DOCK8: variants seen among roughly 807,000 people sequenced by gnomAD.
The protein encoded by DOCK8 is dedicator of cytokinesis 8, also known as dedicator of cytokinesis protein 8.
A neutral mutation model predicts 245.6 loss-of-function variants in DOCK8; 141 were observed. The observed-to-expected ratio is 0.57, with a 90% CI of 0.50 to 0.66. The LOEUF is 0.66. Ranked by LOEUF, DOCK8 falls within the 30% of genes least tolerant of loss-of-function variation. The probability of loss-of-function intolerance (pLI) is 0.00; values close to 1 mark genes in which losing one functional copy is unlikely to be tolerated. For missense variants in DOCK8, 2,965 were observed against 2,603.4 expected (o/e 1.14, Z -3.02); for synonymous variants, 1,168 against 970.2 (o/e 1.20, Z -3.79).
rs139131854 is a variant in DOCK8, at chr9:387,442, C to CA, written c.2874+1031dup. On this transcript the variant is annotated intron_variant, in intron 23 of 47. Transcript: ENST00000432829. ...TGGGCGACAGAATGAGACTCCATTTCAAAAAAAAAAAAAAAGAAAAAAAGG... is the reference window on the plus strand; with the variant it reads ...TGGGCGACAGAATGAGACTCCATTTCAAAAAAAAAAAAAAAAGAAAAAAAGG... Among the ~76,000 whole-genome samples the CA allele has an allele frequency of 9.5e-3, 728 of 76,866 alleles. 5 individuals are homozygous for CA. The highest frequency in any genetic ancestry group is 0.023 in the African/African-American group (493 of 21,096). The allele number at this position is 76,866 out of a possible 152,430, so 50.4% of individuals were successfully genotyped here. A position where few individuals can be genotyped will look rare whatever the true frequency, so the allele number is the denominator to read the frequency against.
chr9:434,073 A>G (rs186020782), intron 38 of DOCK8, 98 bp downstream of exon 38: 73 of 882,038 alleles, frequency 8.3e-5, no homozygotes, highest in East Asian at 8.0e-4. Flanking sequence ...TAACATGGAT[A>G]TAGTGATTTG....
chr9:340,470 AT>A, intron 14 of DOCK8, 149 bp downstream of exon 14: 2 of 1,003,010 alleles, frequency 2.0e-6, no homozygotes, highest in Non-Finnish European at 3.0e-6. Context: ...CATATACAAA[AT>A]TTAGCTGGGC....
intron 33 of DOCK8, among the ~76,000 whole-genome samples, chr9:423,342 C>T (rs374167360): frequency 6.6e-6 from 1 of 152,092 alleles, no homozygotes; most frequent in Non-Finnish European, 1.5e-5. Flanking sequence ...CACATGTTTC[C>T]GATACCGTTT....
chr9:338,925 A>G, intron 12 of DOCK8, 81 bp from the exon 13 acceptor site: 1 of 1,210,894 alleles, frequency 8.3e-7, no homozygotes. Context: ...ACTTAAAGGT[A>G]AAAATCTTCC....
intron 1 of DOCK8, among the ~76,000 whole-genome samples, chr9:235,123 C>T (rs1287626432): frequency 6.6e-6 from 1 of 152,166 alleles, no homozygotes; most frequent in Non-Finnish European, 1.5e-5. Context: ...ACAGACAGGA[C>T]CCTCAGCTGC....
intron 14 of DOCK8, among the ~76,000 whole-genome samples, chr9:351,600 A>G (rs2052170836): frequency 6.6e-6 from 1 of 152,224 alleles, no homozygotes; most frequent in African/African-American, 2.4e-5. Context: ...TCTTCTGTGC[A>G]GGTAGAGCAG....
At chr9:273,239 C>G (rs1342511209) in intron 2 of DOCK8, 1 of 499,222 alleles carries the variant, frequency 2.0e-6, no homozygotes. Context: ...TTCAGAAAAT[C>G]TACTTATGAC....
intron 1 of DOCK8, among the ~76,000 whole-genome samples, chr9:252,836 A>C (rs1310710769): frequency 1.3e-5 from 2 of 152,026 alleles, no homozygotes; most frequent in African/African-American, 4.8e-5. Context: ...CTTCACATCA[A>C]TTTAGGCAGG....
At chr9:428,569 T>C in intron 35 of DOCK8, 73 bp downstream of exon 35, 2 of 1,574,236 alleles carry the variant, frequency 1.3e-6, no homozygotes, top group South Asian at 2.3e-5. Flanking sequence ...ACTTCTCTCT[T>C]CAGGTGGACC....
chr9:220,688 G>C, intron 1 of DOCK8: 1 of 392,044 alleles, frequency 2.6e-6, no homozygotes, highest in South Asian at 1.9e-5. Flanking sequence ...TGCTACTGCT[G>C]TTCCCACAAG....
intron 5 of DOCK8, among the ~76,000 whole-genome samples, chr9:307,169 G>C (rs2049873179): frequency 6.6e-6 from 1 of 152,054 alleles, no homozygotes; most frequent in Non-Finnish European, 1.5e-5. Flanking sequence ...GGGAGCAGCA[G>C]ACACAGCGGA....
At chr9:407,923 C>G (rs1158970281) in intron 28 of DOCK8, among the ~76,000 whole-genome samples, 1 of 152,128 alleles carries the variant, frequency 6.6e-6, no homozygotes, top group African/African-American at 2.4e-5. Flanking sequence ...TGAGATTCAA[C>G]ACTTCTGGTG....
Position 404,987 on chromosome 9 carries a change from A to G in DOCK8, c.3304A>G (p.Ser1102Gly), listed in dbSNP as rs959001195. Residue 1102 changes from serine to glycine, a missense_variant, in exon 27 of 48, where the codon AGC becomes GGC. Coordinates refer to ENST00000432829, the MANE Select transcript of DOCK8 (RefSeq NM_203447.4). ...GCTAGAGTTCCTGAGAATCCTCTGT[A>G]GCCATGAGCATTACCTCAATCTGAA... is the stretch of plus-strand genomic sequence containing the variant. ...MRLEFLRILC[S>G]HEHYLNLNLF... The G allele has an allele frequency of 1.2e-6, 2 of 1,614,060 alleles. No individual in the cohort carries two copies. The highest frequency in any genetic ancestry group is 4.5e-5 in the East Asian group (2 of 44,874).
At chr9:424,353 A>G (rs144351871) in intron 33 of DOCK8, among the ~76,000 whole-genome samples, 1 of 151,998 alleles carries the variant, frequency 6.6e-6, no homozygotes, top group African/African-American at 2.4e-5. Flanking sequence ...AGGTGATTCT[A>G]TTGCCACCAA....
chr9:330,542 G>A (rs2050963727), intron 9 of DOCK8, among the ~76,000 whole-genome samples: 1 of 152,072 alleles, frequency 6.6e-6, no homozygotes, highest in Non-Finnish European at 1.5e-5. Flanking sequence ...CAGTCTAATT[G>A]GACAATGATC....
At chr9:353,191 T>A (rs1043113972) in intron 14 of DOCK8, among the ~76,000 whole-genome samples, 2 of 152,196 alleles carry the variant, frequency 1.3e-5, no homozygotes, top group African/African-American at 4.8e-5. Flanking sequence ...CACCTTGAGA[T>A]CTTTGAAAGT....
chr9:287,163 C>T (rs1314106446), intron 3 of DOCK8, among the ~76,000 whole-genome samples: 2 of 152,120 alleles, frequency 1.3e-5, no homozygotes, highest in African/African-American at 4.8e-5. Flanking sequence ...AAGTCAAAGT[C>T]CCTCCTTTAA....
At chr9:376,865 A>C (rs1020685137) in intron 19 of DOCK8, 112 bp from the exon 20 acceptor site, 1 of 973,112 alleles carries the variant, frequency 1.0e-6, no homozygotes, top group African/African-American at 1.6e-5. Flanking sequence ...TTCTGGTCTG[A>C]AACGCTGGAT....
Position 372,171 on chromosome 9 carries a change from A to G in DOCK8, c.2008-14A>G. The G allele has an allele frequency of 1.9e-6, 3 of 1,605,164 alleles. No individual in the cohort carries two copies. The highest frequency in any genetic ancestry group is 1.1e-5 in the South Asian group (1 of 90,934). On this transcript the variant is annotated splice_polypyrimidine_tract_variant and intron_variant, in intron 17 of 47. Transcript: ENST00000432829. Reference sequence around the variant, plus strand: ...TAATAAATACCACTTTATTATTTACATCATCTGTTTCAGTGGCTGCCAATT... The same window carrying G: ...TAATAAATACCACTTTATTATTTACGTCATCTGTTTCAGTGGCTGCCAATT...
Sources: allele counts gnomAD v4.1 joint callset (sites outside exome capture counted in the v4.1 genomes callset), GRCh38; gene constraint gnomAD v4.1.1; transcripts MANE v1.5; gene names NCBI Gene and HGNC (gene_info 2026-07-23, HGNC 2026-07-21).